The following CLEC4A variants were observed in gnomAD, a reference collection of about 807,000 sequenced individuals.
CLEC4A encodes C-type lectin domain family 4 member A.
CLEC4A carries 27 observed loss-of-function variants against 32.7 expected under a neutral mutation model. The observed-to-expected ratio is 0.83, with a 90% CI of 0.61 to 1.14. The LOEUF (loss-of-function observed/expected upper bound fraction) is 1.14, where lower values mean the gene tolerates loss of function less well. Ranked by LOEUF, CLEC4A falls within the 50% of genes most tolerant of loss-of-function variation. The probability of loss-of-function intolerance (pLI) is 0.00; values close to 1 mark genes in which losing one functional copy is unlikely to be tolerated. For missense variants in CLEC4A, 253 were observed against 274.6 expected (o/e 0.92, Z 0.55); for synonymous variants, 89 against 93.7 (o/e 0.95, Z 0.29).
chr12:8,124,388 G>A (rs1323186356), intron 1 of CLEC4A, among the ~76,000 whole-genome samples: 3 of 152,048 alleles, frequency 2.0e-5, no homozygotes, highest in Non-Finnish European at 2.9e-5. Flanking sequence ...GAGTTTGGGT[G>A]GACAGTGGTG....
rs1330639642 is a variant in CLEC4A, at chr12:8,123,944, C to T, written c.66C>T (p.Asn22=). Reference sequence around the variant, plus strand: ...ATGAATTCAAGTCCTCAGGCATCAACACAGCCTCTTCTGCAGGTAAAGATC... The same window carrying T: ...ATGAATTCAAGTCCTCAGGCATCAATACAGCCTCTTCTGCAGGTAAAGATC... The part of the protein sequence containing the change: ...FKNEFKSSGI[N]TASSAASKER... The change falls in exon 1 of 6, where the codon AAC becomes AAT. Residue 22 remains asparagine (N), a synonymous_variant. Transcript: ENST00000229332. 3.7e-6 allele frequency: 6 copies of T among 1,608,650 alleles called. No homozygotes were observed. The highest frequency in any genetic ancestry group is 5.1e-6 in the Non-Finnish European group (6 of 1,174,966).
At chr12:8,119,514 A>G (rs936285444), upstream of CLEC4A, among the ~76,000 whole-genome samples, 3 of 152,210 alleles carry the variant, frequency 2.0e-5, no homozygotes, top group African/African-American at 7.2e-5. Flanking sequence ...ATGAGCTACC[A>G]TGCCTAGCCT....
chr12:8,127,513 A>G (rs1947922723), intron 2 of CLEC4A, among the ~76,000 whole-genome samples: 1 of 152,248 alleles, frequency 6.6e-6, no homozygotes, highest in Admixed American at 6.5e-5. Context: ...TTGCAATGTC[A>G]CAGTCATAGA....
chr12:8,124,697 CTG>C (rs775448739), intron 1 of CLEC4A, among the ~76,000 whole-genome samples: 10 of 152,064 alleles, frequency 6.6e-5, no homozygotes, highest in Non-Finnish European at 1.5e-4. Context: ...TAAAATACCT[CTG>C]TGAAGGTGTG....
At chr12:8,113,284 A>G in the CLEC4A span, among the ~76,000 whole-genome samples, 1 of 151,974 alleles carries the variant, frequency 6.6e-6, no homozygotes, top group Non-Finnish European at 1.5e-5. Context: ...TGTCCCTACA[A>G]AGGACATGAA....
At chr12:8,137,719 A>G (rs916219396) in intron 5 of CLEC4A, among the ~76,000 whole-genome samples, 3 of 152,210 alleles carry the variant, frequency 2.0e-5, no homozygotes, top group East Asian at 1.9e-4. Flanking sequence ...TAAGTAGAAG[A>G]TTCAAAAGAT....
chr12:8,117,567 A>G, the CLEC4A span, among the ~76,000 whole-genome samples: 3 of 152,202 alleles, frequency 2.0e-5, no homozygotes, highest in South Asian at 4.1e-4. Flanking sequence ...CTTGTCTCCA[A>G]TGGGAACTTT....
intron 5 of CLEC4A, 51 bp from the exon 6 acceptor site, chr12:8,138,088 CT>C: frequency 1.3e-6 from 2 of 1,579,028 alleles, no homozygotes; most frequent in South Asian, 1.2e-5. Context: ...GTCTCTAACC[CT>C]TTTCAAAGCT....
intron 2 of CLEC4A, 82 bp from the exon 3 acceptor site, chr12:8,129,182 A>G: frequency 1.2e-6 from 1 of 865,890 alleles, no homozygotes. Context: ...TTTTATTTCA[A>G]TAAAGAATGC....
At chr12:8,122,054 G>A (rs143792598), upstream of CLEC4A, among the ~76,000 whole-genome samples, 8 of 152,254 alleles carry the variant, frequency 5.3e-5, no homozygotes, top group Non-Finnish European at 1.2e-4. Context: ...GGGTGTCCAT[G>A]TGGTGGGGTA....
upstream of CLEC4A, among the ~76,000 whole-genome samples, chr12:8,119,344 C>T (rs899043322): frequency 1.1e-4 from 16 of 152,216 alleles, no homozygotes; most frequent in African/African-American, 3.9e-4. Context: ...CCTGCCTCAG[C>T]CTCCCTAGTG....
Position 8,123,950 on chromosome 12 carries a change from C to G in CLEC4A, c.72C>G (p.Ala24=). Residue 24 remains alanine, a synonymous_variant, in exon 1 of 6, where the codon GCC becomes GCG. Coordinates refer to ENST00000229332, the MANE Select transcript of CLEC4A (RefSeq NM_016184.4). ...NEFKSSGINT[A]SSAASKERTA... is the part of the protein sequence containing the mutation. ...TCAAGTCCTCAGGCATCAACACAGC[C>G]TCTTCTGCAGGTAAAGATCATTTTC... 1 of 1,605,258 alleles carries G rather than the reference C, an allele frequency of 6.2e-7. No individual in the cohort carries two copies. Among genetic ancestry groups the G allele is most frequent in the South Asian group, 1.1e-5 (1 of 90,898 alleles).
intron 1 of CLEC4A, among the ~76,000 whole-genome samples, chr12:8,124,569 T>C (rs1179652381): frequency 6.6e-6 from 1 of 152,178 alleles, no homozygotes; most frequent in Admixed American, 6.5e-5. Context: ...TGGGAGTAGA[T>C]GCAAGGTGAT....
At chr12:8,134,534 G>C in intron 3 of CLEC4A, 1 of 1,613,816 alleles carries the variant, frequency 6.2e-7, no homozygotes, top group Non-Finnish European at 8.5e-7. Flanking sequence ...CCCCATCGGA[G>C]TTGCTCTCCA....
In CLEC4A at chr12:8,125,593, A is replaced by G. The variant is rs1947887191; in HGVS notation, c.115A>G (p.Asn39Asp). 6.2e-7 allele frequency: 1 copy of G among 1,612,910 alleles called. No homozygotes were observed. The highest frequency in any genetic ancestry group is 1.3e-5 in the African/African-American group (1 of 75,052). The change falls in exon 2 of 6, where the codon AAT becomes GAT. Residue 39 changes from asparagine to aspartate, a missense_variant. By Grantham distance (23) the Asn-to-Asp change is conservative. Transcript: ENST00000229332. ...SKERTAPHKS[N>D]TGFPKLLCAS... ...GGAGAGGACTGCCCCTCACAAAAGT[A>G]ATACCGGATTCCCCAAGCTGCTTTG...
At chr12:8,129,400 TA>T in intron 3 of CLEC4A, 38 bp downstream of exon 3, 1 of 1,285,738 alleles carries the variant, frequency 7.8e-7, no homozygotes, top group Non-Finnish European at 1.1e-6. Context: ...TTGCTGAATG[TA>T]CTATGTAAGG....
At chr12:8,133,359 C>T (rs1425490611) in intron 3 of CLEC4A, among the ~76,000 whole-genome samples, 1 of 152,148 alleles carries the variant, frequency 6.6e-6, no homozygotes, top group Non-Finnish European at 1.5e-5. Flanking sequence ...CCTTTTCTGT[C>T]TAGTTTGTTT....
Position 8,134,013 on chromosome 12 carries a change from G to A in CLEC4A, c.299-1572G>A, listed in dbSNP as rs2120617147. Reference sequence around the variant, plus strand: ...CTTGATCGCTTGCCCTTCTGGCGCCGGTTACAGAACCACACTCGGACCACA... The same window carrying A: ...CTTGATCGCTTGCCCTTCTGGCGCCAGTTACAGAACCACACTCGGACCACA... On this transcript the variant is annotated intron_variant, in intron 3 of 5. Coordinates refer to ENST00000229332, the MANE Select transcript of CLEC4A (RefSeq NM_016184.4). 6 of 1,604,604 alleles carry A rather than the reference G, an allele frequency of 3.7e-6. No homozygotes were observed. The South Asian group carries it at 5.6e-5, about 15-fold the overall frequency.
the CLEC4A span, among the ~76,000 whole-genome samples, chr12:8,107,490 T>G: frequency 6.6e-6 from 1 of 152,190 alleles, no homozygotes. Context: ...AGAATTTGGC[T>G]GTGAATCCAC....
Sources: allele counts gnomAD v4.1 joint callset (sites outside exome capture counted in the v4.1 genomes callset), GRCh38; gene constraint gnomAD v4.1.1; transcripts MANE v1.5; gene names NCBI Gene and HGNC (gene_info 2026-07-23, HGNC 2026-07-21).